STX8: variants seen among roughly 807,000 people sequenced by gnomAD.
STX8 encodes the protein syntaxin-8.
In STX8, 23 loss-of-function variants were observed where a neutral mutation model predicts 37.5. The ratio of observed to expected loss-of-function variants is 0.61; its 90% confidence interval spans 0.44 to 0.87. The LOEUF (loss-of-function observed/expected upper bound fraction) is 0.87, where lower values mean the gene tolerates loss of function less well. Ranked by LOEUF, STX8 falls within the 40% of genes least tolerant of loss-of-function variation. STX8 has a pLI of 0.00. For missense variants in STX8, 313 were observed against 284.7 expected (o/e 1.10, Z -0.71); for synonymous variants, 115 against 99.1 (o/e 1.16, Z -0.95).
At chr17:9,487,168 A>T (rs1443696223) in intron 6 of STX8, among the ~76,000 whole-genome samples, 6 of 152,132 alleles carry the variant, frequency 3.9e-5, no homozygotes, top group Non-Finnish European at 7.4e-5. Flanking sequence ...GAATTCCAAA[A>T]CTGAAGATAA....
At chr17:9,483,995 T>A (rs1434418737) in intron 6 of STX8, among the ~76,000 whole-genome samples, 1 of 152,214 alleles carries the variant, frequency 6.6e-6, no homozygotes, top group Admixed American at 6.5e-5. Flanking sequence ...TGAGCAATAG[T>A]GTCATCTTCA....
intron 1 of STX8, among the ~76,000 whole-genome samples, chr17:9,571,399 G>C (rs1050945952): frequency 6.6e-6 from 1 of 152,034 alleles, no homozygotes; most frequent in Non-Finnish European, 1.5e-5. Context: ...AGTCCGGGCG[G>C]GAACCCTTGG....
intron 3 of STX8, among the ~76,000 whole-genome samples, chr17:9,556,058 A>C (rs919494086): frequency 1.3e-5 from 2 of 152,200 alleles, no homozygotes; most frequent in African/African-American, 2.4e-5. Flanking sequence ...ATTGCGTTAA[A>C]AATAAGGCTG....
At chr17:9,308,424 C>G (rs921479003) in intron 7 of STX8, among the ~76,000 whole-genome samples, 2 of 152,090 alleles carry the variant, frequency 1.3e-5, no homozygotes, top group African/African-American at 2.4e-5. Flanking sequence ...TATGACTCAC[C>G]TTGGTGAAAA....
intron 6 of STX8, among the ~76,000 whole-genome samples, chr17:9,439,243 T>C (rs1904554120): frequency 1.3e-5 from 2 of 152,156 alleles, no homozygotes; most frequent in South Asian, 4.1e-4. Context: ...TTCCAGTTCA[T>C]TAATGCAGCA....
chr17:9,356,960 GTTTTTT>G (rs140965935), intron 7 of STX8, among the ~76,000 whole-genome samples: 2 of 61,752 alleles, frequency 3.2e-5, no homozygotes, highest in African/African-American at 6.2e-5. Flanking sequence ...CCTTTTAACA[GTTTTTT>G]TTTTTTTTTT....
Position 9,371,063 on chromosome 17 carries a change from G to A in STX8, c.643+7489C>T, listed in dbSNP as rs371031586. The stretch of plus-strand genomic sequence containing the variant: ...TCCTGAGTGAAAGGTTCACAAAGAG[G>A]TACTTGAATCCCTTGTTAAGAACTG... On this transcript the variant is annotated intron_variant, in intron 7 of 7. Coordinates refer to ENST00000306357, the MANE Select transcript of STX8 (RefSeq NM_004853.3). Among the ~76,000 whole-genome samples, 35 of 152,260 alleles carry A rather than the reference G, an allele frequency of 2.3e-4. 1 individual carries two copies. The East Asian group carries it at 4.2e-3, about 18-fold the overall frequency.
chr17:9,395,853 C>A (rs1023513835), intron 6 of STX8, among the ~76,000 whole-genome samples: 2 of 152,166 alleles, frequency 1.3e-5, no homozygotes, highest in South Asian at 2.1e-4. Flanking sequence ...TTAGTCCTCC[C>A]AGATGACCCA....
chr17:9,350,459 AC>A (rs1910669006), intron 7 of STX8, among the ~76,000 whole-genome samples: 1 of 150,986 alleles, frequency 6.6e-6, no homozygotes, highest in Non-Finnish European at 1.5e-5. Context: ...CTTCTGATTG[AC>A]CCTAGAAGTT....
At chr17:9,530,306 G>A (rs1166347107) in intron 4 of STX8, among the ~76,000 whole-genome samples, 2 of 38,988 alleles carry the variant, frequency 5.1e-5, no homozygotes, top group Admixed American at 3.2e-4. Flanking sequence ...GTGAGACTCC[G>A]TCTCAAAAAA....
At chr17:9,433,142 C>T (rs745552995) in intron 6 of STX8, among the ~76,000 whole-genome samples, 5 of 152,232 alleles carry the variant, frequency 3.3e-5, no homozygotes, top group Non-Finnish European at 7.3e-5. Flanking sequence ...CTCAAAATCA[C>T]CATCGTCATA....
chr17:9,342,471 T>C (rs927353856), intron 7 of STX8, among the ~76,000 whole-genome samples: 1 of 152,002 alleles, frequency 6.6e-6, no homozygotes, highest in Non-Finnish European at 1.5e-5. Flanking sequence ...GTGCAAGACA[T>C]GCTATGGCCT....
At chr17:9,407,352 T>C (rs906113863) in intron 6 of STX8, among the ~76,000 whole-genome samples, 2 of 152,002 alleles carry the variant, frequency 1.3e-5, no homozygotes, top group Admixed American at 6.6e-5. Context: ...TTACAAAGAA[T>C]AGGAGGGAGA....
chr17:9,556,796 C>CATACATATATATATATATATATATATAT (rs111975191), intron 3 of STX8: 1 of 19,292 alleles, frequency 5.2e-5, no homozygotes, highest in African/African-American at 2.0e-4. Flanking sequence ...TATATATATA[C>CATACATATATATATATATATATATATAT]ACATACATAT....
intron 4 of STX8, among the ~76,000 whole-genome samples, chr17:9,530,465 T>C (rs1282539737): frequency 2.0e-5 from 3 of 152,262 alleles, no homozygotes; most frequent in Non-Finnish European, 2.9e-5. Context: ...ATGAGAACTA[T>C]AGCTGCTCCA....
At chr17:9,410,013 G>A (rs1324223347) in intron 6 of STX8, among the ~76,000 whole-genome samples, 1 of 152,016 alleles carries the variant, frequency 6.6e-6, no homozygotes, top group Non-Finnish European at 1.5e-5. Context: ...AGGATTGGGG[G>A]TGGGGGAGGG....
In STX8 at chr17:9,362,840, A is replaced by AAAATAAATAAAT. The variant is rs1555601153; in HGVS notation, c.643+15700_643+15711dup. ...TGAGACTCCGTCTCAAAAAAAAAAA[A>AAAATAAATAAAT]AAATAAATAAATAAATAAATAAATA... On this transcript the variant is annotated intron_variant, in intron 7 of 7. Coordinates refer to ENST00000306357, the MANE Select transcript of STX8 (RefSeq NM_004853.3). Among the ~76,000 whole-genome samples the AAAATAAATAAAT allele has an allele frequency of 2.2e-3, 253 of 115,530 alleles. 5 individuals are homozygous for AAAATAAATAAAT. The highest frequency in any genetic ancestry group is 7.0e-3 in the African/African-American group (236 of 33,516). The allele number at this position is 115,530 out of a possible 152,430, so 75.8% of individuals were successfully genotyped here. A position where few individuals can be genotyped will look rare whatever the true frequency, so the allele number is the denominator to read the frequency against.
chr17:9,464,023 C>T lies in STX8; in HGVS notation c.541+27806G>A, dbSNP rs150864477. Among the ~76,000 whole-genome samples the T allele has an allele frequency of 3.2e-3, 489 of 152,114 alleles. 2 individuals are homozygous for T. Among genetic ancestry groups the T allele is most frequent in the Non-Finnish European group, 5.7e-3 (386 of 67,998 alleles). ...CTGGGAGGCAGGGGTTGCAGTGAGC[C>T]GTGATAGGGCCACTGCACTCCAGCC... On this transcript the variant is annotated intron_variant, in intron 6 of 7. Transcript: ENST00000306357.
chr17:9,489,690 C>CGTTTTTT (rs1378987157), intron 6 of STX8, among the ~76,000 whole-genome samples: 1 of 38,606 alleles, frequency 2.6e-5, no homozygotes, highest in Admixed American at 2.0e-4. Context: ...AGCTTACTTT[C>CGTTTTTT]CTTTTTTTTT....
Sources: allele counts gnomAD v4.1 joint callset (sites outside exome capture counted in the v4.1 genomes callset), GRCh38; gene constraint gnomAD v4.1.1; transcripts MANE v1.5; gene names NCBI Gene and HGNC (gene_info 2026-07-23, HGNC 2026-07-21).